Variants in OTOF observed in about 807,000 individuals in gnomAD.
OTOF encodes fer-1-like family member 2.
OTOF carries 218 observed loss-of-function variants against 236.8 expected under a neutral mutation model. The ratio of observed to expected loss-of-function variants is 0.92; its 90% CI spans 0.82 to 1.03. The LOEUF is 1.03. OTOF is among the 50% of genes least tolerant of loss of function. OTOF has a pLI of 0.00. For synonymous variants in OTOF, 1,041 were observed against 1,072.5 expected (o/e 0.97, Z 0.57); for missense variants, 2,590 against 2,694.4 (o/e 0.96, Z 0.86).
At chr2:26,487,139 C>T (rs922187024) in intron 11 of OTOF, among the ~76,000 whole-genome samples, 3 of 152,290 alleles carry the variant, frequency 2.0e-5, no homozygotes, top group South Asian at 2.1e-4. Context: ...GAGGTTCTCT[C>T]GGGAAACCCC....
At chr2:26,543,548 T>C (rs1667256909) in intron 1 of OTOF, among the ~76,000 whole-genome samples, 1 of 151,980 alleles carries the variant, frequency 6.6e-6, no homozygotes, top group Non-Finnish European at 1.5e-5. Context: ...TCTTCCTAGT[T>C]TGCGTGCCCT....
In OTOF at chr2:26,458,094, C is replaced by A. The variant is rs1664272631; in HGVS notation, c.*144G>T. On this transcript the variant is annotated 3_prime_UTR_variant, in exon 47 of 47. Transcript: ENST00000272371. ...AGCCAGGGAGGCTGTAGAGGAAGAGCCCCAACATGAGCAGCCCCAACAGCG... is the reference window on the plus strand; with the variant it reads ...AGCCAGGGAGGCTGTAGAGGAAGAGACCCAACATGAGCAGCCCCAACAGCG... 1 of 1,614,054 alleles carries A rather than the reference C, an allele frequency of 6.2e-7. No homozygotes were observed. Among genetic ancestry groups the A allele is most frequent in the Non-Finnish European group, 8.5e-7 (1 of 1,180,032 alleles).
chr2:26,460,840 A>AG lies in OTOF; in HGVS notation c.5712+11dup. ...AGCCCTGCCTACTGCCCGAGCAGGA[A>AG]GGGGTGCGCACCGTGAGCTCAAACT... On this transcript the variant is annotated intron_variant, in intron 44 of 46. Transcript: ENST00000272371. This position sits in a 1 kb window ranked among gnomAD's most constrained non-coding sequence, Gnocchi z 5.3. The AG allele has an allele frequency of 1.2e-6, 2 of 1,613,934 alleles. No homozygotes were observed. Among genetic ancestry groups the AG allele is most frequent in the Admixed American group, 1.7e-5 (1 of 60,010 alleles).
rs753461913 is a variant in OTOF, at chr2:26,527,872, C to G, written c.187G>C (p.Glu63Gln). The part of the protein sequence containing the change: ...ASSIDRNEML[E>Q]IQVFNYSKVF... ...TTGCTGTAGTTGAAAACCTGAATCT[C>G]CAGCATCTCATTTCTGTCGATGCTG... Residue 63 changes from glutamate to glutamine, a missense_variant, in exon 3 of 47, where the codon GAG becomes CAG. Physicochemically the swap from Glu to Gln is conservative, Grantham distance 29. Transcript: ENST00000272371. The G allele has an allele frequency of 6.2e-7, 1 of 1,614,100 alleles. No individual in the cohort carries two copies. Among genetic ancestry groups the G allele is most frequent in the Non-Finnish European group, 8.5e-7 (1 of 1,179,984 alleles).
intron 1 of OTOF, among the ~76,000 whole-genome samples, chr2:26,550,236 C>T (rs1667426416): frequency 6.6e-6 from 1 of 152,150 alleles, no homozygotes; most frequent in Non-Finnish European, 1.5e-5. Context: ...TCAGTTCAGA[C>T]AGAAAGCGGT....
At position 26,555,557 on chromosome 2, in the gene OTOF, T is replaced by C. The variant is rs142128081; in HGVS notation, c.79+2936A>G. Among the ~76,000 whole-genome samples the C allele has an allele frequency of 3.4e-4, 51 of 151,998 alleles. No individual in the cohort carries two copies. In the East Asian group the frequency reaches 9.1e-3, roughly 27 times the overall value. On this transcript the variant is annotated intron_variant, in intron 1 of 46. Transcript: ENST00000272371. ...GAGGGGCCGACTGGCCTGAGGGCAG[T>C]GGGAAAAGAGGTGGCCACGGGCAAA...
At chr2:26,467,020 G>A in intron 35 of OTOF, 79 bp downstream of exon 35, 1 of 1,582,680 alleles carries the variant, frequency 6.3e-7, no homozygotes, top group Non-Finnish European at 8.6e-7. Flanking sequence ...CGGGGCAGTG[G>A]TGGGAGGTGA....
chr2:26,555,505 A>G (rs1188526366), intron 1 of OTOF, among the ~76,000 whole-genome samples: 1 of 152,254 alleles, frequency 6.6e-6, no homozygotes, highest in Non-Finnish European at 1.5e-5. Flanking sequence ...TAAGAGCTAG[A>G]TACAGAACTG....
intron 4 of OTOF, 85 bp downstream of exon 4, chr2:26,518,925 G>T: frequency 1.0e-6 from 1 of 964,628 alleles, no homozygotes; most frequent in South Asian, 1.4e-5. Flanking sequence ...GCATTCCCCA[G>T]ACCACCCCAT....
At chr2:26,459,392 A>G (rs1017146664) in intron 46 of OTOF, among the ~76,000 whole-genome samples, 2 of 152,088 alleles carry the variant, frequency 1.3e-5, no homozygotes, top group Non-Finnish European at 2.9e-5. Flanking sequence ...CTCTACTAAA[A>G]ATACAAAAAA....
rs1664505872 is a variant in OTOF at position 26,462,328 on chromosome 2, TG to T, written c.5193-148del. On this transcript the variant is annotated intron_variant, in intron 41 of 46. Coordinates refer to ENST00000272371, the MANE Select transcript of OTOF (RefSeq NM_194248.3). This position sits in a 1 kb window ranked among gnomAD's most constrained non-coding sequence, Gnocchi z 4.7. ...CCAGGCTGGGGCTGGAGGAGTGGTT[TG>T]GGGTTGGGGGAGCAGAGGCATGAGT... 1.6e-6 allele frequency: 1 copy of T among 617,706 alleles called. No homozygotes were observed. The highest frequency in any genetic ancestry group is 3.7e-5 in the East Asian group (1 of 27,214). The allele number at this position is 617,706 out of a possible 1,614,324, so 38.3% of individuals were successfully genotyped here.
chr2:26,461,661 G>A lies in OTOF; in HGVS notation c.5533+35C>T. On this transcript the variant is annotated intron_variant, in intron 43 of 46. Transcript: ENST00000272371. The surrounding 1 kb of genome is among the most constrained non-coding windows in gnomAD (Gnocchi z 6.2). ...CCGGCCCCTGCCTCTTCTCAGTTCTGGATCCTGAACCCCCATCCCTGCCCT... is the reference window on the plus strand; with the variant it reads ...CCGGCCCCTGCCTCTTCTCAGTTCTAGATCCTGAACCCCCATCCCTGCCCT... 5 of 1,612,148 alleles carry A rather than the reference G, an allele frequency of 3.1e-6. No homozygotes were observed. The highest frequency in any genetic ancestry group is 3.4e-6 in the Non-Finnish European group (4 of 1,179,948).
chr2:26,488,382 C>T (rs1371122155), intron 11 of OTOF, among the ~76,000 whole-genome samples: 1 of 152,210 alleles, frequency 6.6e-6, no homozygotes, highest in Non-Finnish European at 1.5e-5. Context: ...TTCAGGGACA[C>T]AGGGTGGTCC....
At chr2:26,513,441 GC>G (rs1321126989) in intron 5 of OTOF, among the ~76,000 whole-genome samples, 3 of 152,170 alleles carry the variant, frequency 2.0e-5, no homozygotes, top group African/African-American at 7.2e-5. Flanking sequence ...GAAGATTCCA[GC>G]CTGGGCTGCC....
In OTOF at chr2:26,473,234, C is replaced by T; in HGVS notation, c.3631G>A (p.Ala1211Thr). ...PLNIRVVDCR[A>T]FGRYTLVGSH... ...CCCACCAGTGTGTAGCGACCGAAGGCCCGGCAGTCCACCACACGGATGTTC... is the reference window on the plus strand; with the variant it reads ...CCCACCAGTGTGTAGCGACCGAAGGTCCGGCAGTCCACCACACGGATGTTC... Residue 1211 changes from alanine (A) to threonine (T), a missense_variant, in exon 29 of 47, where the codon GCC becomes ACC. Physicochemically the swap from Ala to Thr is moderately conservative, Grantham distance 58. This residue lies in a region of OTOF where 1,211 missense variants were observed against 1,352.8 expected (regional missense o/e 0.90). Coordinates refer to ENST00000272371, the MANE Select transcript of OTOF (RefSeq NM_194248.3). The surrounding 1 kb of genome is among the most constrained non-coding windows in gnomAD (Gnocchi z 7.2). 6.2e-7 allele frequency: 1 copy of T among 1,613,366 alleles called. No homozygotes were observed. Among genetic ancestry groups the T allele is most frequent in the Non-Finnish European group, 8.5e-7 (1 of 1,179,984 alleles).
intron 9 of OTOF, 48 bp from the exon 10 acceptor site, chr2:26,489,788 C>A: frequency 6.9e-7 from 1 of 1,444,894 alleles, no homozygotes; most frequent in Non-Finnish European, 9.7e-7. Flanking sequence ...GCAGCAGCAA[C>A]AGCCCAGGCA....
Position 26,477,584 on chromosome 2 carries a change from T to G in OTOF, c.2315+65A>C. On this transcript the variant is annotated intron_variant, in intron 19 of 46. Coordinates refer to ENST00000272371, the MANE Select transcript of OTOF (RefSeq NM_194248.3). This position sits in a 1 kb window ranked among gnomAD's most constrained non-coding sequence, Gnocchi z 4.7. ...AGATTCTTCCTCATCTGCCCAGCCC[T>G]GGCAGGGTCCCCTTTGTCCAGTTCC... is the stretch of plus-strand genomic sequence containing the variant. The G allele has an allele frequency of 6.2e-7, 1 of 1,602,624 alleles. No individual in the cohort carries two copies. The highest frequency in any genetic ancestry group is 1.1e-5 in the South Asian group (1 of 90,374).
chr2:26,502,389 A>T lies in OTOF; in HGVS notation c.621T>A (p.His207Gln), dbSNP rs1156606716. Residue 207 changes from histidine to glutamine, a missense_variant, in exon 7 of 47, where the codon CAT (histidine) becomes CAA (glutamine). Coordinates refer to ENST00000272371, the MANE Select transcript of OTOF (RefSeq NM_194248.3). ...GTCCATCTCCTAGCCGAATGGCCAG[A>T]TGGTCAAGGTCTTCCATCTCCAGCA... ...PAVLEMEDLDHLAIRLGDGLD... is the reference protein window; with the variant it reads ...PAVLEMEDLDQLAIRLGDGLD... 1 of 1,613,830 alleles carries T rather than the reference A, an allele frequency of 6.2e-7. No individual in the cohort carries two copies. Among genetic ancestry groups the T allele is most frequent in the African/African-American group, 1.3e-5 (1 of 74,926 alleles).
intron 9 of OTOF, among the ~76,000 whole-genome samples, chr2:26,493,931 T>C (rs1286727154): frequency 6.6e-6 from 1 of 152,168 alleles, no homozygotes; most frequent in Admixed American, 6.5e-5. Flanking sequence ...TGCAAGACCG[T>C]TATTAAAAGT....
Sources: allele counts gnomAD v4.1 joint callset (sites outside exome capture counted in the v4.1 genomes callset), GRCh38; gene constraint gnomAD v4.1.1; regional missense constraint gnomAD v4.1.1; non-coding constraint Gnocchi (gnomAD v3.1); transcripts MANE v1.5; gene names NCBI Gene and HGNC (gene_info 2026-07-23, HGNC 2026-07-21).